The following GASK1B variants were observed in gnomAD, a reference collection of about 807,000 sequenced individuals.
GASK1B encodes the protein Golgi-associated kinase 1B.
A neutral mutation model predicts 42.8 loss-of-function variants in GASK1B; 34 were observed. The observed-to-expected ratio is 0.79, with a 90% CI of 0.60 to 1.06. The LOEUF is 1.06. Among genes scored for constraint, GASK1B ranks in the 50% least tolerant of loss-of-function variants. GASK1B has a pLI of 0.00. For synonymous variants in GASK1B, 262 were observed against 259.1 expected (o/e 1.01, Z -0.11); for missense variants, 686 against 661.0 (o/e 1.04, Z -0.42).
At chr4:158,152,818 C>A (rs371565310) in intron 3 of GASK1B, among the ~76,000 whole-genome samples, 10 of 152,164 alleles carry the variant, frequency 6.6e-5, no homozygotes, top group African/African-American at 2.4e-4. Context: ...TGATTAAAAC[C>A]CACAGCAAAA....
intron 3 of GASK1B, among the ~76,000 whole-genome samples, chr4:158,155,298 C>T (rs757754928): frequency 7.2e-5 from 11 of 152,138 alleles, no homozygotes; most frequent in East Asian, 5.8e-4. Context: ...GTCCCTTGTG[C>T]GGAAAATCTA....
chr4:158,152,749 C>G (rs895640036), intron 3 of GASK1B, among the ~76,000 whole-genome samples: 2 of 152,156 alleles, frequency 1.3e-5, no homozygotes, highest in Non-Finnish European at 2.9e-5. Flanking sequence ...AAAACAAAAA[C>G]CACATGATTA....
intron 2 of GASK1B, chr4:158,170,132 G>T: frequency 1.7e-6 from 2 of 1,168,550 alleles, no homozygotes; most frequent in Admixed American, 2.5e-5. Context: ...TTTGCCTCCA[G>T]CCTAGCTTCC....
intron 3 of GASK1B, among the ~76,000 whole-genome samples, chr4:158,150,026 C>A (rs573115855): frequency 1.3e-5 from 2 of 149,734 alleles, no homozygotes; most frequent in African/African-American, 4.9e-5. Context: ...CCCAGGTTCA[C>A]GCCATTCTCC....
At chr4:158,155,907 C>T in intron 2 of GASK1B, 82 bp from the exon 3 acceptor site, 1 of 1,057,468 alleles carries the variant, frequency 9.5e-7, no homozygotes, top group Non-Finnish European at 1.4e-6. Flanking sequence ...CACTCTTTCA[C>T]AGTCTCACGC....
chr4:158,148,343 C>A (rs1328359930), intron 3 of GASK1B, among the ~76,000 whole-genome samples: 1 of 152,310 alleles, frequency 6.6e-6, no homozygotes, highest in East Asian at 1.9e-4. Flanking sequence ...CCACTTCCCA[C>A]AGTTGGTAAG....
At chr4:158,152,299 C>T (rs1415736370) in intron 3 of GASK1B, among the ~76,000 whole-genome samples, 1 of 152,118 alleles carries the variant, frequency 6.6e-6, no homozygotes, top group Admixed American at 6.5e-5. Flanking sequence ...TTCATATATA[C>T]ATCAAACGTA....
chr4:158,135,016 T>C (rs979782107), intron 3 of GASK1B, among the ~76,000 whole-genome samples: 2 of 152,200 alleles, frequency 1.3e-5, no homozygotes, highest in African/African-American at 4.8e-5. Context: ...TTTCAGGCAA[T>C]GCTTGGATGA....
In GASK1B at chr4:158,155,762, T is replaced by A. The variant is rs777403245; in HGVS notation, c.974A>T (p.His325Leu). 2.5e-6 allele frequency: 4 copies of A among 1,613,778 alleles called. No homozygotes were observed. The South Asian group carries it at 3.3e-5, about 13-fold the overall frequency. ...ASLSSASNDT[H>L]SSVKLTWGTY... ...TCCCCAGGTGAGCTTAACAGAAGAA[T>A]GGGTGTCATTACTTGCTGAAGATAA... The change falls in exon 3 of 5, where the codon CAT becomes CTT. Residue 325 changes from histidine (H) to leucine (L), a missense_variant. His to Leu is a moderately conservative substitution (Grantham distance 99). Coordinates refer to ENST00000585682, the MANE Select transcript of GASK1B (RefSeq NM_001128424.2).
chr4:158,143,424 AT>A (rs1372731274), intron 3 of GASK1B, among the ~76,000 whole-genome samples: 1 of 152,222 alleles, frequency 6.6e-6, no homozygotes, highest in Non-Finnish European at 1.5e-5. Flanking sequence ...TAAAAGGGAA[AT>A]AGGAAAGATA....
chr4:158,170,827 C>CA lies in GASK1B; in HGVS notation c.548dup (p.Arg184AlafsTer23). The CA allele has an allele frequency of 1.2e-6, 2 of 1,614,220 alleles. No individual in the cohort carries two copies. Among genetic ancestry groups the CA allele is most frequent in the Non-Finnish European group, 1.7e-6 (2 of 1,180,038 alleles). On this transcript the variant is annotated frameshift_variant, in exon 2 of 5. Coordinates refer to ENST00000585682, the MANE Select transcript of GASK1B (RefSeq NM_001128424.2). LOFTEE classifies it high-confidence loss of function. Reference sequence around the variant, plus strand: ...CCCCGGCTCGCACTCCCGGACCCCGCACCAACCTCCAGGGTCGCTCTCCAA... The same window carrying CA: ...CCCCGGCTCGCACTCCCGGACCCCGCAACCAACCTCCAGGGTCGCTCTCCAA...
At chr4:158,151,353 G>C (rs1043176920) in intron 3 of GASK1B, among the ~76,000 whole-genome samples, 6 of 152,292 alleles carry the variant, frequency 3.9e-5, no homozygotes, top group African/African-American at 1.2e-4. Context: ...TTGAAACACA[G>C]TATGGAATGT....
At chr4:158,128,589 C>G (rs1730549128) in intron 4 of GASK1B, among the ~76,000 whole-genome samples, 1 of 152,168 alleles carries the variant, frequency 6.6e-6, no homozygotes, top group Non-Finnish European at 1.5e-5. Flanking sequence ...ATAGTAAGAA[C>G]ATATATACTT....
chr4:158,139,891 G>A (rs558196085), intron 3 of GASK1B, among the ~76,000 whole-genome samples: 4 of 152,136 alleles, frequency 2.6e-5, no homozygotes, highest in Non-Finnish European at 4.4e-5. Context: ...GGATACAGTC[G>A]ATGTGCTTTA....
chr4:158,133,900 T>C (rs914670708), intron 3 of GASK1B, among the ~76,000 whole-genome samples: 4 of 151,988 alleles, frequency 2.6e-5, no homozygotes, highest in Non-Finnish European at 5.9e-5. Flanking sequence ...GGCATATGTG[T>C]GTGTGTGTGT....
intron 3 of GASK1B, among the ~76,000 whole-genome samples, chr4:158,143,103 T>C (rs1347925957): frequency 6.6e-6 from 1 of 152,214 alleles, no homozygotes; most frequent in Non-Finnish European, 1.5e-5. Context: ...AATAGCAATG[T>C]GCTTATGTGT....
chr4:158,155,575 T>A, intron 3 of GASK1B, 36 bp downstream of exon 3: 1 of 1,559,986 alleles, frequency 6.4e-7, no homozygotes, highest in South Asian at 1.1e-5. Flanking sequence ...TCAGCGCCAG[T>A]CTTAGATAAC....
At chr4:158,157,148 T>C (rs1275525176) in intron 2 of GASK1B, among the ~76,000 whole-genome samples, 1 of 152,112 alleles carries the variant, frequency 6.6e-6, no homozygotes, top group African/African-American at 2.4e-5. Context: ...TTCTAATCAC[T>C]TGCATTCTAG....
Position 158,141,597 on chromosome 4 carries a change from C to CATT in GASK1B, c.1126-10586_1126-10585insAAT, listed in dbSNP as rs1553958620. The stretch of plus-strand genomic sequence containing the variant: ...CATAGGTCAGTGCCTTTGTATTTAC[C>CATT]TTTTTTTTTTTTTTTTTTTTTTTTT... On this transcript the variant is annotated intron_variant, in intron 3 of 4. Coordinates refer to ENST00000585682, the MANE Select transcript of GASK1B (RefSeq NM_001128424.2). 2.3e-4 allele frequency among the ~76,000 whole-genome samples: 26 copies of CATT among 113,694 alleles called. 9 individuals carry two copies. The highest frequency in any genetic ancestry group is 2.6e-4 in the East Asian group (1 of 3,826). The allele number at this position is 113,694 out of a possible 152,430, so 74.6% of individuals were successfully genotyped here.
Sources: gnomAD v4.1 joint callset for allele counts (sites outside exome capture counted in the v4.1 genomes callset) on GRCh38, gnomAD v4.1.1 for gene constraint, MANE v1.5 for transcripts, NCBI Gene and HGNC (gene_info 2026-07-23, HGNC 2026-07-21) for gene names.